POLQ: variants seen among roughly 807,000 people sequenced by gnomAD.
The protein encoded by POLQ is epididymis secretory sperm binding protein.
A neutral mutation model predicts 259.2 loss-of-function variants in POLQ; 233 were observed. The ratio of observed to expected loss-of-function variants is 0.90; its 90% CI spans 0.81 to 1.00. The LOEUF is 1.00. POLQ is among the 50% of genes least tolerant of loss of function. The probability of loss-of-function intolerance (pLI) is 0.00; values close to 1 mark genes in which losing one functional copy is unlikely to be tolerated. For synonymous variants in POLQ, 1,025 were observed against 1,048.8 expected (o/e 0.98, Z 0.44); for missense variants, 2,871 against 3,051.6 (o/e 0.94, Z 1.39).
At chr3:121,519,803 A>G in intron 9 of POLQ, 68 bp downstream of exon 9, 1 of 858,674 alleles carries the variant, frequency 1.2e-6, no homozygotes, top group Non-Finnish European at 2.0e-6. Context: ...GTTGCCAGAC[A>G]CTAGTCAAAT....
rs769191331 is a variant in POLQ, at chr3:121,466,283, GA to G, written c.6967+1235del. ...CTGAGAGGGGTGAGGAAGCTGCAAG[GA>G]AAAAAAAAAAAAAACTGATTCATGA... On this transcript the variant is annotated intron_variant, in intron 24 of 29. Transcript: ENST00000264233. 9.4e-3 allele frequency among the ~76,000 whole-genome samples: 733 copies of G among 78,244 alleles called. 5 individuals carry two copies. The highest frequency in any genetic ancestry group is 0.053 in the Middle Eastern group (5 of 94). The allele number at this position is 78,244 out of a possible 152,430, so 51.3% of individuals were successfully genotyped here. A position where few individuals can be genotyped will look rare whatever the true frequency, so the allele number is the denominator to read the frequency against.
At chr3:121,543,290 T>C (rs1560111036) in intron 2 of POLQ, among the ~76,000 whole-genome samples, 1 of 152,208 alleles carries the variant, frequency 6.6e-6, no homozygotes. Context: ...CATTTACAAG[T>C]ATTTTATTTT....
At position 121,544,711 on chromosome 3, in the gene POLQ, A is replaced by G; in HGVS notation, c.343+16T>C. The G allele has an allele frequency of 6.6e-7, 1 of 1,521,606 alleles. No homozygotes were observed. The highest frequency in any genetic ancestry group is 9.1e-7 in the Non-Finnish European group (1 of 1,098,150). 94.3% of individuals were successfully genotyped at this position (1,521,606 alleles called of 1,614,324 possible). A position where few individuals can be genotyped will look rare whatever the true frequency, so the allele number is the denominator to read the frequency against. ...ATATCTTAAAAATAGTAATTAGTTTACATAAATTTGGATACCTGAATAAAC... is the reference window on the plus strand; with the variant it reads ...ATATCTTAAAAATAGTAATTAGTTTGCATAAATTTGGATACCTGAATAAAC... On this transcript the variant is annotated intron_variant, in intron 2 of 29. Coordinates refer to ENST00000264233, the MANE Select transcript of POLQ (RefSeq NM_199420.4).
chr3:121,533,094 C>T lies in POLQ; in HGVS notation c.856G>A (p.Asp286Asn), dbSNP rs746449394. 5 of 1,613,836 alleles carry T rather than the reference C, an allele frequency of 3.1e-6. No individual in the cohort carries two copies. The highest frequency in any genetic ancestry group is 3.3e-5 in the Admixed American group (2 of 59,976). The change falls in exon 6 of 30, where the codon GAC becomes AAC. Residue 286 changes from aspartate (D) to asparagine (N), a missense_variant. Around this residue, in one of 3 missense-constraint regions of POLQ, gnomAD observed 783 missense variants for 906.2 expected, o/e 0.86. Coordinates refer to ENST00000264233, the MANE Select transcript of POLQ (RefSeq NM_199420.4). The part of the protein sequence containing the change: ...SWLNAELYHT[D>N]FRPVPLLESV... Reference sequence around the variant, plus strand: ...TCCAAAAGCGGTACAGGGCGAAAGTCGGTATGGTAGAGTTCAGCATTCAAC... The same window carrying T: ...TCCAAAAGCGGTACAGGGCGAAAGTTGGTATGGTAGAGTTCAGCATTCAAC...
chr3:121,509,408 A>G (rs534019763), intron 12 of POLQ, among the ~76,000 whole-genome samples, 153 bp downstream of exon 12: 2 of 152,348 alleles, frequency 1.3e-5, no homozygotes, highest in African/African-American at 2.4e-5. Flanking sequence ...CTTTAAAACA[A>G]TTATCTTCTT....
chr3:121,488,641 T>A lies in POLQ; in HGVS notation c.4290A>T (p.Leu1430Phe), dbSNP rs1186689728. The change falls in exon 16 of 30, where the codon TTA (leucine) becomes TTT (phenylalanine). Residue 1430 changes from leucine to phenylalanine, a missense_variant. Leu to Phe is a conservative substitution (Grantham distance 22). Coordinates refer to ENST00000264233, the MANE Select transcript of POLQ (RefSeq NM_199420.4). ...CAGTAACAGAAACTTCATTCTTTTT[T>A]AAAAAAAGACCATTTTCCTCCAATA... ...PILLEENGLF[L>F]KKNEVSVTDS... 1 of 1,601,600 alleles carries A rather than the reference T, an allele frequency of 6.2e-7. No individual in the cohort carries two copies. The highest frequency in any genetic ancestry group is 8.5e-7 in the Non-Finnish European group (1 of 1,176,970).
At position 121,488,371 on chromosome 3, in the gene POLQ, G is replaced by A; in HGVS notation, c.4560C>T (p.Asn1520=). ...KEPLPSEVTS[N]HFSDSLCLQE... is the part of the protein sequence containing the mutation. The stretch of plus-strand genomic sequence containing the variant: ...GTAGACACAGAGAATCACTAAAATG[G>A]TTTGATGTTACTTCTGAAGGAAGGG... Residue 1520 remains asparagine, a synonymous_variant, in exon 16 of 30, where the codon AAC becomes AAT. Coordinates refer to ENST00000264233, the MANE Select transcript of POLQ (RefSeq NM_199420.4). 6.2e-7 allele frequency: 1 copy of A among 1,612,392 alleles called. No individual in the cohort carries two copies. The highest frequency in any genetic ancestry group is 1.3e-5 in the African/African-American group (1 of 74,990).
chr3:121,471,917 A>G (rs1292498710), intron 22 of POLQ, 73 bp downstream of exon 22: 1 of 823,260 alleles, frequency 1.2e-6, no homozygotes, highest in Non-Finnish European at 1.8e-6. Flanking sequence ...CTTGGCCATC[A>G]TAAAAAATAT....
chr3:121,432,360 T>A lies in POLQ; in HGVS notation c.7717A>T (p.Lys2573Ter). 1 of 1,610,686 alleles carries A rather than the reference T, an allele frequency of 6.2e-7. No homozygotes were observed. Among genetic ancestry groups the A allele is most frequent in the Non-Finnish European group, 8.5e-7 (1 of 1,178,374 alleles). ...ESAVKLSVKL[K>*]VKVKIGASWG... ...CTGGCGCCTATTTTCACTTTCACTT[T>A]CAATTTCACAGACAGTTTTACAGCA... The change falls in exon 30 of 30, where the codon AAA becomes TAA. Residue 2573 changes from lysine to a stop codon, truncating the protein, a stop_gained. Transcript: ENST00000264233. LOFTEE classifies it high-confidence loss of function.
intron 15 of POLQ, 67 bp from the exon 16 acceptor site, chr3:121,490,475 A>T (rs770746309): frequency 3.2e-5 from 41 of 1,286,584 alleles, no homozygotes; most frequent in Admixed American, 9.2e-5. Context: ...TTTATTAAAC[A>T]TGCAATCTGA....
Position 121,431,752 on chromosome 3 carries a change from AC to A in POLQ, c.*551del, listed in dbSNP as rs1311423537. ...ACATTTCATGAATATTCATTCCTAC[AC>A]TCCAACCATACCAAGTCTTACTACT... On this transcript the variant is annotated 3_prime_UTR_variant, in exon 30 of 30. Transcript: ENST00000264233. The A allele has an allele frequency of 6.6e-6, 1 of 152,640 alleles. No homozygotes were observed. The highest frequency in any genetic ancestry group is 2.4e-5 in the African/African-American group (1 of 41,440). The allele number at this position is 152,640 out of a possible 1,614,324, so 9.5% of individuals were successfully genotyped here.
Position 121,541,342 on chromosome 3 carries a change from A to T in POLQ, c.474+7T>A. 6.3e-7 allele frequency: 1 copy of T among 1,581,502 alleles called. No homozygotes were observed. The highest frequency in any genetic ancestry group is 1.2e-5 in the South Asian group (1 of 85,946). On this transcript the variant is annotated splice_region_variant and intron_variant, in intron 3 of 29. Transcript: ENST00000264233. ...TTCACTATTTCAAACTTAGTAAAAA[A>T]CATTACCTGGAGGTAGTATTTCTTC...
At chr3:121,441,244 C>G (rs1384906737) in intron 26 of POLQ, among the ~76,000 whole-genome samples, 1 of 151,886 alleles carries the variant, frequency 6.6e-6, no homozygotes, top group African/African-American at 2.4e-5. Flanking sequence ...ATTGAAAGAG[C>G]TACTTTAAAA....
At position 121,489,772 on chromosome 3, in the gene POLQ, G is replaced by C. The variant is rs1207128850; in HGVS notation, c.3159C>G (p.Asp1053Glu). 6.2e-7 allele frequency: 1 copy of C among 1,612,464 alleles called. No individual in the cohort carries two copies. Among genetic ancestry groups the C allele is most frequent in the South Asian group, 1.1e-5 (1 of 90,650 alleles). Residue 1053 changes from aspartate to glutamate, a missense_variant, in exon 16 of 30, where the codon GAC becomes GAG. Asp to Glu is a conservative substitution (Grantham distance 45). Around this residue, in one of 3 missense-constraint regions of POLQ, gnomAD observed 2,080 missense variants for 2,126.0 expected, o/e 0.98. Coordinates refer to ENST00000264233, the MANE Select transcript of POLQ (RefSeq NM_199420.4). ...CTCCAGAGTCTTTCAGGGGGCTGCT[G>C]TCCCTAGATCGCTTTAGATGCTTTC... is the stretch of plus-strand genomic sequence containing the variant. ...KRRKHLKRSR[D>E]SSPLKDSGAC...
intron 12 of POLQ, among the ~76,000 whole-genome samples, chr3:121,504,115 A>G (rs115740859): frequency 0.026 from 4,034 of 152,274 alleles, 72 homozygotes; most frequent in South Asian, 0.059. Flanking sequence ...TGATCCGCTG[A>G]AAGAATGAAA....
At chr3:121,526,633 G>C (rs760285813) in intron 7 of POLQ, among the ~76,000 whole-genome samples, 9 of 151,684 alleles carry the variant, frequency 5.9e-5, no homozygotes, top group Non-Finnish European at 1.0e-4. Context: ...TGCATCTCCT[G>C]TTATCTTGAC....
At chr3:121,509,299 G>A (rs2048233583) in intron 12 of POLQ, among the ~76,000 whole-genome samples, 2 of 151,886 alleles carry the variant, frequency 1.3e-5, no homozygotes, top group Admixed American at 1.3e-4. Flanking sequence ...TCTTTTATAC[G>A]TTGTAAAAAT....
chr3:121,435,413 A>C (rs772208581), intron 28 of POLQ, among the ~76,000 whole-genome samples: 3 of 152,256 alleles, frequency 2.0e-5, no homozygotes, highest in Non-Finnish European at 4.4e-5. Flanking sequence ...AAGATCAGAG[A>C]ACACTGAAGG....
chr3:121,446,357 C>T (rs1021046337), intron 26 of POLQ, among the ~76,000 whole-genome samples: 8 of 152,144 alleles, frequency 5.3e-5, no homozygotes. Flanking sequence ...AACATATAGT[C>T]TATCCTAGAG....
Sources: allele counts gnomAD v4.1 joint callset (sites outside exome capture counted in the v4.1 genomes callset), GRCh38; gene constraint gnomAD v4.1.1; regional missense constraint gnomAD v4.1.1; transcripts MANE v1.5; gene names NCBI Gene and HGNC (gene_info 2026-07-23, HGNC 2026-07-21).